Variants in FER1L6 observed in about 807,000 individuals in gnomAD.
FER1L6 encodes the protein fer-1-like protein 6.
In FER1L6, 177 loss-of-function variants were observed where a neutral mutation model predicts 219.2. The observed-to-expected ratio is 0.81, with a 90% CI of 0.71 to 0.91. The LOEUF (loss-of-function observed/expected upper bound fraction) is 0.91. Among genes scored for constraint, FER1L6 ranks in the 40% least tolerant of loss-of-function variants. The probability of loss-of-function intolerance (pLI) is 0.00; values close to 1 mark genes in which losing one functional copy is unlikely to be tolerated. For synonymous variants in FER1L6, 768 were observed against 824.3 expected (o/e 0.93, Z 1.17); for missense variants, 2,153 against 2,259.9 (o/e 0.95, Z 0.96).
At chr8:123,971,798 G>A (rs1815829910) in intron 6 of FER1L6, among the ~76,000 whole-genome samples, 1 of 152,154 alleles carries the variant, frequency 6.6e-6, no homozygotes, top group Admixed American at 6.5e-5. Context: ...AACACACCCT[G>A]GTGGTGCCAA....
chr8:123,988,612 T>C, intron 12 of FER1L6, among the ~76,000 whole-genome samples: 1 of 152,226 alleles, frequency 6.6e-6, no homozygotes. Flanking sequence ...CTTTCTTGAT[T>C]TCCTTTTCAC....
At chr8:123,922,642 G>A (rs1480431884) in intron 1 of FER1L6, among the ~76,000 whole-genome samples, 2 of 152,148 alleles carry the variant, frequency 1.3e-5, no homozygotes, top group African/African-American at 4.8e-5. Flanking sequence ...CGTAGGCACC[G>A]CCAACCTGGA....
chr8:124,051,825 T>G (rs1192927476), intron 22 of FER1L6, among the ~76,000 whole-genome samples: 2 of 152,080 alleles, frequency 1.3e-5, no homozygotes, highest in African/African-American at 4.8e-5. Flanking sequence ...CAGTAATGAG[T>G]TCTTAAGCTC....
intron 39 of FER1L6, among the ~76,000 whole-genome samples, chr8:124,115,351 G>A (rs566765629): frequency 6.1e-4 from 93 of 152,186 alleles, no homozygotes; most frequent in African/African-American, 2.1e-3. Flanking sequence ...GATACCCAGA[G>A]CAGCGGCATT....
chr8:123,872,102 G>C (rs1816933031), intron 1 of FER1L6, among the ~76,000 whole-genome samples: 1 of 152,138 alleles, frequency 6.6e-6, no homozygotes, highest in Admixed American at 6.6e-5. Context: ...CATGGCAGGA[G>C]TGAGAGAGAG....
chr8:123,901,244 T>C (rs1261763892), intron 1 of FER1L6, among the ~76,000 whole-genome samples: 1 of 152,210 alleles, frequency 6.6e-6, no homozygotes, highest in East Asian at 1.9e-4. Context: ...GGGTTGTATT[T>C]TTCCAGGAAT....
chr8:124,064,355 G>A lies in FER1L6; in HGVS notation c.3337G>A (p.Asp1113Asn), dbSNP rs1316343872. The change falls in exon 26 of 41, where the codon GAT becomes AAT. Residue 1113 changes from aspartate to asparagine, a missense_variant. By Grantham distance (23) the Asp-to-Asn change is conservative (BLOSUM62 1). Transcript: ENST00000522917. The stretch of plus-strand genomic sequence containing the variant: ...ATGTGCTTTCATTTCAGATATTTCA[G>A]ATTCGCTAACAGCCACTGAGTCCTC... ...DGTQPGHDIS[D>N]SLTATESSGA... 13 of 1,612,598 alleles carry A rather than the reference G, an allele frequency of 8.1e-6. No homozygotes were observed. The highest frequency in any genetic ancestry group is 1.1e-5 in the Non-Finnish European group (13 of 1,179,546).
intron 39 of FER1L6, among the ~76,000 whole-genome samples, chr8:124,106,137 A>C (rs1822761161): frequency 6.6e-6 from 1 of 152,018 alleles, no homozygotes. Context: ...AATTTAAAAG[A>C]GTGAACTTGG....
intron 6 of FER1L6, among the ~76,000 whole-genome samples, chr8:123,970,762 C>T (rs1213893222): frequency 1.3e-5 from 2 of 152,118 alleles, no homozygotes; most frequent in African/African-American, 2.4e-5. Flanking sequence ...CCAACTTTGC[C>T]CACTACATGG....
chr8:123,908,475 A>G (rs1360820720), intron 1 of FER1L6, among the ~76,000 whole-genome samples: 4 of 152,252 alleles, frequency 2.6e-5, no homozygotes, highest in African/African-American at 9.6e-5. Flanking sequence ...TCCTCAGTAG[A>G]TAAGACTTTT....
Position 124,004,823 on chromosome 8 carries a change from T to A in FER1L6, c.1700+1476T>A, listed in dbSNP as rs140297531. Among the ~76,000 whole-genome samples, 262 of 151,854 alleles carry A rather than the reference T, an allele frequency of 1.7e-3. 1 individual carries two copies. The highest frequency in any genetic ancestry group is 6.1e-3 in the African/African-American group (252 of 41,368). On this transcript the variant is annotated intron_variant, in intron 13 of 40. Coordinates refer to ENST00000522917, the MANE Select transcript of FER1L6 (RefSeq NM_001039112.2). ...ACCAGCCTGTCCAACATAATGAAACTCTGTCTCTACTAAAAATACAAAAAA... is the reference window on the plus strand; with the variant it reads ...ACCAGCCTGTCCAACATAATGAAACACTGTCTCTACTAAAAATACAAAAAA...
rs539311390 is a variant in FER1L6, at chr8:123,932,685, A to G, written c.-7-23307A>G. ...AGAATTAGATCCTTCAGCAAGTACA[A>G]TAGGAACCTGGGCAACTTACAGCTT... is the stretch of plus-strand genomic sequence containing the variant. On this transcript the variant is annotated intron_variant, in intron 1 of 40. Transcript: ENST00000522917. 5.4e-4 allele frequency among the ~76,000 whole-genome samples: 82 copies of G among 152,310 alleles called. No individual in the cohort carries two copies. The East Asian group carries it at 7.5e-3, about 14-fold the overall frequency.
At chr8:123,902,592 T>C (rs1351101010) in intron 1 of FER1L6, among the ~76,000 whole-genome samples, 1 of 152,194 alleles carries the variant, frequency 6.6e-6, no homozygotes, top group Non-Finnish European at 1.5e-5. Flanking sequence ...TGTTGTTTCT[T>C]TAAAGTTTGA....
rs71303477 is a variant in FER1L6 at position 124,015,607 on chromosome 8, A to ATGTATGTATG, written c.1923-2020_1923-2019insGTATGTATGT. ...TATATATATATATATATATATATATATATATATATTACTCCTGCTGTGAGC... is the reference window on the plus strand; with the variant it reads ...TATATATATATATATATATATATATATGTATGTATGTATATATATTACTCCTGCTGTGAGC... On this transcript the variant is annotated intron_variant, in intron 15 of 40. Coordinates refer to ENST00000522917, the MANE Select transcript of FER1L6 (RefSeq NM_001039112.2). Among the ~76,000 whole-genome samples the ATGTATGTATG allele has an allele frequency of 1.9e-4, 17 of 88,604 alleles. 1 individual carries two copies. Among genetic ancestry groups the ATGTATGTATG allele is most frequent in the African/African-American group, 7.3e-4 (17 of 23,262 alleles). The allele number at this position is 88,604 out of a possible 152,430, so 58.1% of individuals were successfully genotyped here.
chr8:124,021,797 G>A, intron 17 of FER1L6, 128 bp downstream of exon 17: 1 of 1,008,350 alleles, frequency 9.9e-7, no homozygotes, highest in Non-Finnish European at 1.5e-6. Context: ...GGCTACGCAG[G>A]CACTCCTAGT....
chr8:124,036,509 C>T (rs1007877104), intron 19 of FER1L6, among the ~76,000 whole-genome samples: 2 of 152,120 alleles, frequency 1.3e-5, no homozygotes, highest in South Asian at 2.1e-4. Flanking sequence ...AGCAAAGATG[C>T]TTAAAAATTG....
At chr8:124,064,651 T>A in intron 26 of FER1L6, 78 bp downstream of exon 26, 1 of 1,329,772 alleles carries the variant, frequency 7.5e-7, no homozygotes, top group Non-Finnish European at 1.0e-6. Flanking sequence ...ATGAAGTTGC[T>A]TGCAGTGTGA....
At chr8:124,101,521 T>C (rs1323883718) in intron 38 of FER1L6, among the ~76,000 whole-genome samples, 183 bp downstream of exon 38, 1 of 152,192 alleles carries the variant, frequency 6.6e-6, no homozygotes, top group African/African-American at 2.4e-5. Context: ...TACATCCACA[T>C]GATGGACCAC....
At chr8:123,948,242 T>C (rs1814590305) in intron 1 of FER1L6, among the ~76,000 whole-genome samples, 1 of 152,224 alleles carries the variant, frequency 6.6e-6, no homozygotes, top group Non-Finnish European at 1.5e-5. Context: ...GAGGATTTAC[T>C]CAAGGTTGCA....
Sources: gnomAD v4.1 joint callset for allele counts (sites outside exome capture counted in the v4.1 genomes callset) on GRCh38, gnomAD v4.1.1 for gene constraint, MANE v1.5 for transcripts, NCBI Gene and HGNC (gene_info 2026-07-23, HGNC 2026-07-21) for gene names.